The following LPP variants were observed in gnomAD, a reference collection of about 807,000 sequenced individuals.
LPP encodes the protein LIM domain containing preferred translocation partner in lipoma.
A neutral mutation model predicts 60.4 loss-of-function variants in LPP; 38 were observed. The ratio of observed to expected loss-of-function variants is 0.63; its 90% CI spans 0.49 to 0.83. The LOEUF is 0.83. Among genes scored for constraint, LPP ranks in the 40% least tolerant of loss-of-function variants. LPP has a pLI of 0.00. For synonymous variants in LPP, 328 were observed against 290.8 expected (o/e 1.13, Z -1.30); for missense variants, 902 against 783.6 (o/e 1.15, Z -1.80).
intron 9 of LPP, among the ~76,000 whole-genome samples, chr3:188,786,382 C>CAAAAAAAAAAAAAAAAA (rs57565042): frequency 7.8e-5 from 6 of 76,646 alleles, no homozygotes; most frequent in African/African-American, 2.4e-4. Context: ...GACTCCGTCT[C>CAAAAAAAAAAAAAAAAA]AAAAAAAAAA....
At chr3:188,481,392 T>C (rs4686963) in intron 4 of LPP, among the ~76,000 whole-genome samples, 116,568 of 152,142 alleles carry the variant, frequency 0.77, 44,906 homozygotes, top group Non-Finnish European at 0.8. Flanking sequence ...GATAATTATG[T>C]GTTTATCACG....
intron 9 of LPP, among the ~76,000 whole-genome samples, chr3:188,780,236 G>A (rs1739210665): frequency 6.6e-6 from 1 of 152,158 alleles, no homozygotes; most frequent in Non-Finnish European, 1.5e-5. Flanking sequence ...CAGATTAAAG[G>A]ACTCTTAGTA....
intron 3 of LPP, among the ~76,000 whole-genome samples, chr3:188,349,815 G>A (rs569054588): frequency 8.3e-4 from 127 of 152,280 alleles, no homozygotes; most frequent in Middle Eastern, 3.4e-3. Flanking sequence ...TGAGGCCCTC[G>A]GCCAGCTGTT....
intron 9 of LPP, among the ~76,000 whole-genome samples, chr3:188,837,421 A>AATAATAATCATC (rs1485239539): frequency 6.4e-5 from 9 of 141,720 alleles, no homozygotes; most frequent in Non-Finnish European, 9.1e-5. Flanking sequence ...TAATAATAAT[A>AATAATAATCATC]ATCTGTGCTT....
At chr3:188,833,957 A>G (rs1186416261) in intron 9 of LPP, among the ~76,000 whole-genome samples, 1 of 152,200 alleles carries the variant, frequency 6.6e-6, no homozygotes, top group Non-Finnish European at 1.5e-5. Flanking sequence ...CATTACTATT[A>G]AAGCATCCCC....
At chr3:188,538,420 G>T (rs1250267346) in intron 6 of LPP, among the ~76,000 whole-genome samples, 3 of 152,156 alleles carry the variant, frequency 2.0e-5, no homozygotes, top group African/African-American at 7.2e-5. Context: ...TATACAAGTG[G>T]ATAATATGCC....
chr3:188,341,609 A>T lies in LPP; in HGVS notation c.-66-54A>T, dbSNP rs1050069660. On this transcript the variant is annotated intron_variant, in intron 2 of 11. Coordinates refer to ENST00000617246, the MANE Select transcript of LPP (RefSeq NM_001375462.1). Reference sequence around the variant, plus strand: ...AGAGGTTATGACTATTAATGAATAAATATGGGTTTGGTGTCTGGAAGTAAT... The same window carrying T: ...AGAGGTTATGACTATTAATGAATAATTATGGGTTTGGTGTCTGGAAGTAAT... 4.0e-5 allele frequency: 26 copies of T among 645,940 alleles called. No individual in the cohort carries two copies. In the African/African-American group the frequency reaches 5.0e-4, roughly 13 times the overall value. The allele number at this position is 645,940 out of a possible 1,614,324, so 40.0% of individuals were successfully genotyped here.
chr3:188,673,532 GTC>G (rs1349585959), intron 7 of LPP, among the ~76,000 whole-genome samples: 1 of 151,974 alleles, frequency 6.6e-6, no homozygotes, highest in African/African-American at 2.4e-5. Flanking sequence ...TCATGCTTTG[GTC>G]TCTCTGAGAC....
At chr3:188,457,034 T>A (rs1797885122) in intron 4 of LPP, among the ~76,000 whole-genome samples, 1 of 152,200 alleles carries the variant, frequency 6.6e-6, no homozygotes, top group Non-Finnish European at 1.5e-5. Flanking sequence ...AGTCACAGAA[T>A]TTTACATCTG....
chr3:188,534,949 T>C (rs554577190), intron 6 of LPP, among the ~76,000 whole-genome samples: 1 of 152,350 alleles, frequency 6.6e-6, no homozygotes, highest in Admixed American at 6.5e-5. Context: ...TGCCTTTCAG[T>C]GGGTATATTA....
chr3:188,714,689 AG>A (rs1363241690), intron 8 of LPP, among the ~76,000 whole-genome samples: 1 of 152,106 alleles, frequency 6.6e-6, no homozygotes, highest in Non-Finnish European at 1.5e-5. Flanking sequence ...TTACAGTATT[AG>A]GTAAATGCCA....
At chr3:188,831,779 T>C (rs1329361241) in intron 9 of LPP, among the ~76,000 whole-genome samples, 2 of 152,214 alleles carry the variant, frequency 1.3e-5, no homozygotes, top group African/African-American at 4.8e-5. Context: ...TGACTTTCAA[T>C]CAGCTCTCTC....
At chr3:188,385,347 G>T (rs1445198626) in intron 3 of LPP, among the ~76,000 whole-genome samples, 4 of 152,004 alleles carry the variant, frequency 2.6e-5, no homozygotes, top group African/African-American at 7.3e-5. Context: ...GTAAGCGTGT[G>T]GGGGGGTGTG....
intron 4 of LPP, among the ~76,000 whole-genome samples, chr3:188,453,718 C>T (rs1797119264): frequency 6.6e-6 from 1 of 151,924 alleles, no homozygotes; most frequent in Non-Finnish European, 1.5e-5. Flanking sequence ...AAAATAGTAC[C>T]TTCCCTATTA....
chr3:188,379,972 T>A (rs1415567832), intron 3 of LPP, among the ~76,000 whole-genome samples: 1 of 151,932 alleles, frequency 6.6e-6, no homozygotes, highest in Non-Finnish European at 1.5e-5. Flanking sequence ...ATGGAGATTA[T>A]GAATGCTTGG....
chr3:188,229,053 T>C (rs779169576), intron 2 of LPP, among the ~76,000 whole-genome samples: 3 of 152,164 alleles, frequency 2.0e-5, no homozygotes, highest in Non-Finnish European at 4.4e-5. Context: ...CTCCTCCGGG[T>C]TGGATGGGCA....
intron 5 of LPP, among the ~76,000 whole-genome samples, chr3:188,484,963 C>A (rs1805905582): frequency 6.6e-6 from 1 of 152,136 alleles, no homozygotes; most frequent in Admixed American, 6.5e-5. Context: ...GTTTCAGATC[C>A]CAAAGCCATT....
chr3:188,681,428 G>A (rs1314027701), intron 7 of LPP, among the ~76,000 whole-genome samples: 1 of 152,158 alleles, frequency 6.6e-6, no homozygotes, highest in Admixed American at 6.6e-5. Context: ...GAAGGTTCAG[G>A]AAGAGCCTTT....
chr3:188,748,547 G>T (rs139620817), intron 8 of LPP, among the ~76,000 whole-genome samples: 2,774 of 152,250 alleles, frequency 0.018, 77 homozygotes, highest in African/African-American at 0.063. Context: ...ACTTTGGGAG[G>T]CTGAGGCAGG....
Sources: allele counts gnomAD v4.1 joint callset (sites outside exome capture counted in the v4.1 genomes callset), GRCh38; gene constraint gnomAD v4.1.1; transcripts MANE v1.5; gene names NCBI Gene and HGNC (gene_info 2026-07-23, HGNC 2026-07-21).